The following RYR1 variants were observed in gnomAD, a reference collection of about 807,000 sequenced individuals.
RYR1 encodes the protein central core disease of muscle.
Under a neutral mutation model 583.5 loss-of-function variants are expected in RYR1, and 342 were observed. The ratio of observed to expected loss-of-function variants is 0.59; its 90% CI spans 0.54 to 0.64. The LOEUF (loss-of-function observed/expected upper bound fraction) is 0.64, where lower values mean the gene tolerates loss of function less well. RYR1 is among the 30% of genes least tolerant of loss of function. The probability of loss-of-function intolerance (pLI) is 0.00; values close to 1 mark genes in which losing one functional copy is unlikely to be tolerated. For synonymous variants in RYR1, 2,791 were observed against 2,822.5 expected (o/e 0.99, Z 0.35); for missense variants, 6,032 against 6,917.2 (o/e 0.87, Z 4.54).
chr19:38,568,773 CG>C (rs1005174971), intron 93 of RYR1, among the ~76,000 whole-genome samples: 4 of 21,034 alleles, frequency 1.9e-4, no homozygotes, highest in African/African-American at 8.4e-4. Context: ...TGGTGGGGGG[CG>C]GGGGGGCGGT....
intron 13 of RYR1, 81 bp downstream of exon 13, chr19:38,453,095 G>A (rs1220225422): frequency 2.0e-6 from 3 of 1,463,986 alleles, no homozygotes; most frequent in East Asian, 4.7e-5. Flanking sequence ...GGCGCTGGGC[G>A]GGGCAGGGCC....
chr19:38,489,356 G>T lies in RYR1; in HGVS notation c.5727G>T (p.Glu1909Asp). ...TAQEKEDEEK[E>D]EEEAAEGEKE... The stretch of plus-strand genomic sequence containing the variant: ...AGGAAAAGGAAGATGAGGAAAAAGA[G>T]GAAGAGGAGGCAGCAGAAGGGGAGA... The change falls in exon 35 of 106, where the codon GAG becomes GAT. Residue 1909 changes from glutamate to aspartate, a missense_variant. Around this residue, in one of 11 missense-constraint regions of RYR1, gnomAD observed 2,627 missense variants for 2,961.3 expected, o/e 0.89. Coordinates refer to ENST00000359596, the MANE Select transcript of RYR1 (RefSeq NM_000540.3). The T allele has an allele frequency of 1.2e-6, 2 of 1,612,622 alleles. No individual in the cohort carries two copies. The highest frequency in any genetic ancestry group is 1.7e-6 in the Non-Finnish European group (2 of 1,178,644).
At chr19:38,475,207 T>C (rs1968655014) in intron 28 of RYR1, 111 bp from the exon 29 acceptor site, 4 of 1,427,876 alleles carry the variant, frequency 2.8e-6, no homozygotes, top group Non-Finnish European at 3.8e-6. Flanking sequence ...AGGCAAGACC[T>C]GGGGTATTAG....
At chr19:38,559,742 A>G (rs1440069822) in intron 89 of RYR1, among the ~76,000 whole-genome samples, 1 of 152,156 alleles carries the variant, frequency 6.6e-6, no homozygotes, top group East Asian at 1.9e-4. Flanking sequence ...CACTTTTGAG[A>G]GCCAGAAAAT....
At chr19:38,437,175 C>T (rs778120030) in intron 1 of RYR1, among the ~76,000 whole-genome samples, 8 of 151,834 alleles carry the variant, frequency 5.3e-5, no homozygotes, top group Non-Finnish European at 1.0e-4. Context: ...CTCAGCCTCC[C>T]GAGTAGCTGG....
chr19:38,502,755 G>A (rs768539259), intron 48 of RYR1, 28 bp downstream of exon 48: 7 of 398,346 alleles, frequency 1.8e-5, no homozygotes, highest in South Asian at 2.5e-5. Flanking sequence ...TCAGGGTGGG[G>A]CAGGGGCAGG....
chr19:38,543,960 T>A lies in RYR1; in HGVS notation c.12012+85T>A. 1 of 1,348,246 alleles carries A rather than the reference T, an allele frequency of 7.4e-7. No individual in the cohort carries two copies. Among genetic ancestry groups the A allele is most frequent in the Non-Finnish European group, 1.0e-6 (1 of 966,088 alleles). 83.5% of individuals were successfully genotyped at this position (1,348,246 alleles called of 1,614,324 possible). On this transcript the variant is annotated intron_variant, in intron 87 of 105. Transcript: ENST00000359596. The surrounding 1 kb of genome is among the most constrained non-coding windows in gnomAD (Gnocchi z 4.4). ...CCAAGTCTTGCCCCTTTGGTCAGTT[T>A]GTCACCCGAGTGCTCCCGGCATGTT...
rs761249404 is a variant in RYR1, at chr19:38,504,795, C to T, written c.8115C>T (p.Ala2705=). ...GCATGGCCATGCCTTGTCTGTGCGC[C>T]ATTGCCGGGGCTCTGCCCCCCGACT... The part of the protein sequence containing the change: ...LYRMAMPCLC[A]IAGALPPDYV... Residue 2705 remains alanine, a synonymous_variant, in exon 51 of 106, where the codon GCC becomes GCT. Coordinates refer to ENST00000359596, the MANE Select transcript of RYR1 (RefSeq NM_000540.3). 5 of 1,614,172 alleles carry T rather than the reference C, an allele frequency of 3.1e-6. No homozygotes were observed. In the Admixed American group the frequency reaches 8.3e-5, roughly 27 times the overall value.
At position 38,444,108 on chromosome 19, in the gene RYR1, C is replaced by T; in HGVS notation, c.425-41C>T. On this transcript the variant is annotated intron_variant, in intron 5 of 105. Transcript: ENST00000359596. This position sits in a 1 kb window ranked among gnomAD's most constrained non-coding sequence, Gnocchi z 5.1. ...CCCTGGGGAAGAGCATTCTGGGAAG[C>T]CATCATCTGACAGCCACCCCCATTC... 1 of 1,538,848 alleles carries T rather than the reference C, an allele frequency of 6.5e-7. No homozygotes were observed. The highest frequency in any genetic ancestry group is 9.0e-7 in the Non-Finnish European group (1 of 1,111,698).
chr19:38,560,979 T>C, intron 89 of RYR1, 134 bp from the exon 90 acceptor site: 1 of 769,172 alleles, frequency 1.3e-6, no homozygotes, highest in South Asian at 1.7e-5. Flanking sequence ...GTCTTGAGGC[T>C]GGGTTGAGCT....
intron 60 of RYR1, among the ~76,000 whole-genome samples, 188 bp downstream of exon 60, chr19:38,510,969 C>G (rs1970700516): frequency 6.6e-6 from 1 of 152,154 alleles, no homozygotes; most frequent in Non-Finnish European, 1.5e-5. Context: ...GACTCTCAGG[C>G]AACTTGGGAC....
chr19:38,442,589 C>G, intron 3 of RYR1, 136 bp downstream of exon 3: 1 of 672,442 alleles, frequency 1.5e-6, no homozygotes, highest in Non-Finnish European at 2.7e-6. Context: ...CTCTCTCTGC[C>G]CTGCCCCCCA....
rs778430267 is a variant in RYR1 at position 38,561,067 on chromosome 19, T to C, written c.12283-46T>C. On this transcript the variant is annotated intron_variant, in intron 89 of 105. Transcript: ENST00000359596. The surrounding 1 kb of genome is among the most constrained non-coding windows in gnomAD (Gnocchi z 4.8). ...AAAAAAAAAAAAAAAAGAGAGAGAA[T>C]TGAGGCTCTCCAGGTCACCCCACTG... 6.7e-7 allele frequency: 1 copy of C among 1,491,070 alleles called. No individual in the cohort carries two copies. The highest frequency in any genetic ancestry group is 1.8e-4 in the Middle Eastern group (1 of 5,714). The allele number at this position is 1,491,070 out of a possible 1,614,324, so 92.4% of individuals were successfully genotyped here. A position where few individuals can be genotyped will look rare whatever the true frequency, so the allele number is the denominator to read the frequency against.
chr19:38,508,507 G>A (rs941250486), intron 58 of RYR1, among the ~76,000 whole-genome samples: 13 of 152,200 alleles, frequency 8.5e-5, no homozygotes, highest in South Asian at 2.1e-4. Context: ...CACCGCACCC[G>A]GCTTGCCAGT....
At chr19:38,477,632 G>T in intron 29 of RYR1, 78 bp from the exon 30 acceptor site, 2 of 1,600,702 alleles carry the variant, frequency 1.2e-6, no homozygotes, top group Non-Finnish European at 1.7e-6. Context: ...ACAGTCCAGG[G>T]AAACCAATTT....
Position 38,499,035 on chromosome 19 carries a change from C to A in RYR1, c.6892-73C>A. 6.3e-7 allele frequency: 1 copy of A among 1,590,166 alleles called. No individual in the cohort carries two copies. Among genetic ancestry groups the A allele is most frequent in the Non-Finnish European group, 8.6e-7 (1 of 1,166,436 alleles). On this transcript the variant is annotated intron_variant, in intron 42 of 105. Transcript: ENST00000359596. This position sits in a 1 kb window ranked among gnomAD's most constrained non-coding sequence, Gnocchi z 7.3. ...TGAGGAGCCGCAGGGCAGGGCAGGG[C>A]AGGGCAGAGGGCTGAGCCCCAGGAG...
At position 38,485,665 on chromosome 19, in the gene RYR1, C is replaced by G. The variant is rs572326211; in HGVS notation, c.5010C>G (p.Arg1670=). Reference sequence around the variant, plus strand: ...ACTCGCACACCCTGCGCCTCTACCGCGCTGTGTGCGCCCTGGGCAACAATC... The same window carrying G: ...ACTCGCACACCCTGCGCCTCTACCGGGCTGTGTGCGCCCTGGGCAACAATC... ...RFHSHTLRLY[R]AVCALGNNRV... The change falls in exon 34 of 106, where the codon CGC becomes CGG. Residue 1670 remains arginine, a synonymous_variant. Coordinates refer to ENST00000359596, the MANE Select transcript of RYR1 (RefSeq NM_000540.3). 1.2e-6 allele frequency: 2 copies of G among 1,610,652 alleles called. No individual in the cohort carries two copies. Among genetic ancestry groups the G allele is most frequent in the Non-Finnish European group, 1.7e-6 (2 of 1,179,900 alleles).
At chr19:38,575,648 CG>C (rs1973923292) in intron 96 of RYR1, among the ~76,000 whole-genome samples, 1 of 151,860 alleles carries the variant, frequency 6.6e-6, no homozygotes, top group African/African-American at 2.4e-5. Flanking sequence ...ACTAAAAATA[CG>C]AAAATTAGCC....
chr19:38,469,283 C>T, intron 26 of RYR1, 22 bp from the exon 27 acceptor site: 2 of 1,613,132 alleles, frequency 1.2e-6, no homozygotes, highest in South Asian at 2.2e-5. Context: ...CTCACCCCTG[C>T]CCATCCATCC....
Sources: allele counts gnomAD v4.1 joint callset (sites outside exome capture counted in the v4.1 genomes callset), GRCh38; gene constraint gnomAD v4.1.1; regional missense constraint gnomAD v4.1.1; non-coding constraint Gnocchi (gnomAD v3.1); transcripts MANE v1.5; gene names NCBI Gene and HGNC (gene_info 2026-07-23, HGNC 2026-07-21).